The following OPCML variants were observed in gnomAD, a reference collection of about 807,000 sequenced individuals.
OPCML encodes opioid-binding protein/cell adhesion molecule.
A neutral mutation model predicts 37.8 loss-of-function variants in OPCML; 13 were observed. The ratio of observed to expected loss-of-function variants is 0.34; its 90% CI spans 0.22 to 0.55. The LOEUF (loss-of-function observed/expected upper bound fraction) is 0.55. OPCML is among the 20% of genes least tolerant of loss of function. The pLI, the probability that OPCML is intolerant of heterozygous loss-of-function variation, is 0.91. For missense variants in OPCML, 341 were observed against 435.6 expected (o/e 0.78, Z 1.93); for synonymous variants, 176 against 168.8 (o/e 1.04, Z -0.33).
intron 1 of OPCML, among the ~76,000 whole-genome samples, chr11:133,001,002 T>C (rs1946990738): frequency 6.6e-6 from 1 of 152,166 alleles, no homozygotes; most frequent in African/African-American, 2.4e-5. Context: ...CCCTTTGCCT[T>C]CCGCCATGAG....
chr11:133,221,005 T>G (rs1939794901), intron 1 of OPCML, among the ~76,000 whole-genome samples: 1 of 152,236 alleles, frequency 6.6e-6, no homozygotes, highest in African/African-American at 2.4e-5. Flanking sequence ...TCTAAAATAA[T>G]TCTGCAACCA....
chr11:132,540,321 A>T (rs1207349322), intron 3 of OPCML, among the ~76,000 whole-genome samples: 1 of 152,206 alleles, frequency 6.6e-6, no homozygotes, highest in Non-Finnish European at 1.5e-5. Flanking sequence ...TGTTCATCTC[A>T]GTATTCCAGG....
At chr11:133,060,509 C>G (rs1461751820) in intron 1 of OPCML, among the ~76,000 whole-genome samples, 2 of 152,212 alleles carry the variant, frequency 1.3e-5, no homozygotes, top group Admixed American at 6.5e-5. Context: ...GTCCCACGCT[C>G]AGGACAAAGT....
At chr11:132,744,289 C>G (rs1035401503) in intron 2 of OPCML, among the ~76,000 whole-genome samples, 16 of 152,176 alleles carry the variant, frequency 1.1e-4, no homozygotes, top group African/African-American at 3.4e-4. Flanking sequence ...AAAGACAATC[C>G]ATTGACCCCA....
intron 1 of OPCML, among the ~76,000 whole-genome samples, chr11:133,063,119 C>T (rs531198023): frequency 1.9e-4 from 29 of 152,354 alleles, no homozygotes; most frequent in Admixed American, 1.6e-3. Flanking sequence ...GACCAGCCTT[C>T]GCAGTGTAAG....
chr11:133,186,359 T>G (rs1251653800), intron 1 of OPCML, among the ~76,000 whole-genome samples: 1 of 152,214 alleles, frequency 6.6e-6, no homozygotes, highest in Non-Finnish European at 1.5e-5. Flanking sequence ...AGATGCTTAT[T>G]GATTTATAAA....
chr11:133,433,173 A>G (rs1591493525), intron 1 of OPCML, among the ~76,000 whole-genome samples: 1 of 147,944 alleles, frequency 6.8e-6, no homozygotes, highest in African/African-American at 2.6e-5. Flanking sequence ...AATGGCGTGA[A>G]CCCGGGAGGC....
intron 2 of OPCML, among the ~76,000 whole-genome samples, chr11:132,690,549 A>T (rs1429042091): frequency 6.6e-6 from 1 of 152,208 alleles, no homozygotes. Flanking sequence ...TCTGAGTACC[A>T]GTCTTAAGAC....
Position 132,551,225 on chromosome 11 carries a change from G to A in OPCML, c.380-22039C>T, listed in dbSNP as rs540742302. ...GTGATTGGTCAGCCAGACCACGTACGCTAGAATTAGGAAATAGGGTGGAGT... is the reference window on the plus strand; with the variant it reads ...GTGATTGGTCAGCCAGACCACGTACACTAGAATTAGGAAATAGGGTGGAGT... On this transcript the variant is annotated intron_variant, in intron 3 of 7. Transcript: ENST00000524381. 4.6e-5 allele frequency among the ~76,000 whole-genome samples: 7 copies of A among 152,288 alleles called. No individual in the cohort carries two copies. The South Asian group carries it at 8.3e-4, about 18-fold the overall frequency.
At chr11:132,686,371 G>T (rs112355541) in intron 2 of OPCML, among the ~76,000 whole-genome samples, 3 of 152,204 alleles carry the variant, frequency 2.0e-5, no homozygotes, top group Admixed American at 6.5e-5. Flanking sequence ...GGTCTGATCT[G>T]TCCTGTCCTC....
intron 1 of OPCML, among the ~76,000 whole-genome samples, chr11:133,494,746 A>G (rs1202812568): frequency 7.5e-6 from 1 of 133,072 alleles, no homozygotes; most frequent in Non-Finnish European, 1.5e-5. Context: ...GGGGAGGGAT[A>G]GCATTGGGAG....
chr11:132,781,652 A>T (rs550093517), intron 2 of OPCML, among the ~76,000 whole-genome samples: 1 of 151,510 alleles, frequency 6.6e-6, no homozygotes, highest in African/African-American at 2.4e-5. Context: ...GAAAACTCTA[A>T]TACAATAACC....
intron 1 of OPCML, among the ~76,000 whole-genome samples, chr11:133,332,309 AC>A: frequency 6.6e-6 from 1 of 152,148 alleles, no homozygotes; most frequent in Non-Finnish European, 1.5e-5. Flanking sequence ...GATGTTTTTA[AC>A]CAGCTGAAGG....
chr11:133,384,520 A>G (rs1945002911), intron 1 of OPCML, among the ~76,000 whole-genome samples: 2 of 152,168 alleles, frequency 1.3e-5, no homozygotes, highest in South Asian at 4.1e-4. Flanking sequence ...CATGGTGCTG[A>G]TTTACTCCTT....
At chr11:132,892,618 T>G (rs1943694451) in intron 2 of OPCML, among the ~76,000 whole-genome samples, 1 of 151,994 alleles carries the variant, frequency 6.6e-6, no homozygotes, top group African/African-American at 2.4e-5. Context: ...AATACAAAAA[T>G]TAGCTGGGCC....
chr11:133,274,026 A>G (rs1418310754), intron 1 of OPCML, among the ~76,000 whole-genome samples: 2 of 152,234 alleles, frequency 1.3e-5, no homozygotes, highest in African/African-American at 2.4e-5. Flanking sequence ...GCACACATAC[A>G]TATATTTATC....
chr11:133,116,198 A>G lies in OPCML; in HGVS notation c.62-173188T>C, dbSNP rs1452988817. Among the ~76,000 whole-genome samples the G allele has an allele frequency of 3.3e-5, 5 of 152,254 alleles. No homozygotes were observed. The East Asian group carries it at 9.6e-4, about 29-fold the overall frequency. On this transcript the variant is annotated intron_variant, in intron 1 of 7. Transcript: ENST00000524381. ...TGGCCAGTCTGGTCTTGAACTCCTG[A>G]CATTGTGATACACCCGCCTCGGCCT...
intron 1 of OPCML, among the ~76,000 whole-genome samples, chr11:133,076,856 C>G (rs1349174678): frequency 6.6e-6 from 1 of 152,170 alleles, no homozygotes; most frequent in Non-Finnish European, 1.5e-5. Flanking sequence ...AGACTCATCT[C>G]AACTGGTTCT....
intron 1 of OPCML, among the ~76,000 whole-genome samples, chr11:133,020,014 C>T (rs1027347811): frequency 8.5e-5 from 13 of 152,204 alleles, no homozygotes; most frequent in African/African-American, 3.1e-4. Flanking sequence ...GCTGTGTTCT[C>T]ATTAAGGAGA....
Sources: allele counts gnomAD v4.1 joint callset (sites outside exome capture counted in the v4.1 genomes callset), GRCh38; gene constraint gnomAD v4.1.1; transcripts MANE v1.5; gene names NCBI Gene and HGNC (gene_info 2026-07-23, HGNC 2026-07-21).